Variants in CNBD1 observed in about 807,000 individuals in gnomAD.
The protein encoded by CNBD1 is cyclic nucleotide binding domain containing 1.
CNBD1 carries 71 observed loss-of-function variants against 54.4 expected under a neutral mutation model. The observed-to-expected ratio is 1.30, with a 90% CI of 1.08 to 1.59. The LOEUF is 1.59. Ranked by LOEUF, CNBD1 falls within the 40% of genes most tolerant of loss-of-function variation. The pLI is 0.00. For synonymous variants in CNBD1, 182 were observed against 170.7 expected (o/e 1.07, Z -0.51); for missense variants, 659 against 518.0 (o/e 1.27, Z -2.64).
At chr8:87,283,308 G>T (rs148730868) in intron 6 of CNBD1, among the ~76,000 whole-genome samples, 2,632 of 151,914 alleles carry the variant, frequency 0.017, 32 homozygotes, top group Non-Finnish European at 0.025. Context: ...TTAAATATTT[G>T]TAGTTTCTTT....
At chr8:86,983,672 G>A (rs1808540128) in intron 4 of CNBD1, among the ~76,000 whole-genome samples, 1 of 152,174 alleles carries the variant, frequency 6.6e-6, no homozygotes, top group African/African-American at 2.4e-5. Flanking sequence ...TTAGCAAAGA[G>A]ACTGGTGATA....
chr8:86,998,854 A>G (rs1808934818), intron 4 of CNBD1, among the ~76,000 whole-genome samples: 1 of 152,178 alleles, frequency 6.6e-6, no homozygotes, highest in South Asian at 2.1e-4. Flanking sequence ...ATTTATGTCT[A>G]CAAATGAGTC....
intron 4 of CNBD1, among the ~76,000 whole-genome samples, chr8:86,966,298 C>T (rs111327781): frequency 0.02 from 3,055 of 152,274 alleles, 98 homozygotes; most frequent in African/African-American, 0.07. Flanking sequence ...GGGCTCTTCC[C>T]CAACTCCCAC....
At chr8:87,427,281 A>C (rs1221997657) in intron 2 of CNBD1, among the ~76,000 whole-genome samples, 1 of 152,074 alleles carries the variant, frequency 6.6e-6, no homozygotes, top group African/African-American at 2.4e-5. Context: ...CAATCAAATG[A>C]GTTTGGGGTA....
intron 6 of CNBD1, among the ~76,000 whole-genome samples, chr8:87,258,418 T>A (rs1006549516): frequency 2.2e-5 from 3 of 135,984 alleles, no homozygotes; most frequent in Admixed American, 7.0e-5. Context: ...ATTTTTCTTT[T>A]TTTTATTTCT....
At chr8:87,408,971 C>T (rs111769256) in intron 2 of CNBD1, among the ~76,000 whole-genome samples, 2,775 of 152,052 alleles carry the variant, frequency 0.018, 83 homozygotes, top group African/African-American at 0.06. Context: ...CCCTAAGGCC[C>T]GACAAAATTC....
intron 8 of CNBD1, among the ~76,000 whole-genome samples, chr8:87,346,173 C>A (rs1810172263): frequency 6.6e-6 from 1 of 152,008 alleles, no homozygotes; most frequent in Non-Finnish European, 1.5e-5. Context: ...TCCCAAGTAG[C>A]TGAGATTACA....
chr8:86,881,374 A>G (rs1829001350), intron 1 of CNBD1, among the ~76,000 whole-genome samples: 1 of 152,130 alleles, frequency 6.6e-6, no homozygotes, highest in Non-Finnish European at 1.5e-5. Flanking sequence ...TACGCCAACA[A>G]CAGGCAAGCA....
chr8:86,907,414 T>A (rs555697253), intron 3 of CNBD1, among the ~76,000 whole-genome samples: 1 of 152,252 alleles, frequency 6.6e-6, no homozygotes, highest in East Asian at 1.9e-4. Flanking sequence ...ACACCTGTAA[T>A]CCCAGCACTT....
Position 87,289,263 on chromosome 8 carries a change from G to T in CNBD1, c.1042+2592G>T, listed in dbSNP as rs149228486. Among the ~76,000 whole-genome samples, 424 of 152,210 alleles carry T rather than the reference G, an allele frequency of 2.8e-3. 3 individuals are homozygous for T. The highest frequency in any genetic ancestry group is 9.6e-3 in the African/African-American group (397 of 41,544). ...CTTGGCAATCAATGAAATAAGTAAA[G>T]CTTGTATCTGACTCTATTTGCTTTG... On this transcript the variant is annotated intron_variant, in intron 8 of 10. Transcript: ENST00000518476.
intron 8 of CNBD1, among the ~76,000 whole-genome samples, chr8:87,342,270 C>T (rs542450105): frequency 1.1e-4 from 13 of 114,268 alleles, no homozygotes; most frequent in East Asian, 6.2e-4. Context: ...AAGACTCCAT[C>T]TCAAAAAGAA....
At chr8:87,412,231 C>T (rs192717912) in intron 2 of CNBD1, among the ~76,000 whole-genome samples, 15 of 152,182 alleles carry the variant, frequency 9.9e-5, no homozygotes, top group African/African-American at 3.4e-4. Flanking sequence ...CCATCATCAT[C>T]TAACATCCAA....
At chr8:87,350,076 C>G (rs1424548267) in intron 8 of CNBD1, among the ~76,000 whole-genome samples, 1 of 152,124 alleles carries the variant, frequency 6.6e-6, no homozygotes, top group East Asian at 1.9e-4. Context: ...GCTTCTATGC[C>G]TTTCTTTATA....
chr8:87,392,148 C>G (rs1811322038), intron 2 of CNBD1, among the ~76,000 whole-genome samples: 1 of 151,930 alleles, frequency 6.6e-6, no homozygotes, highest in Non-Finnish European at 1.5e-5. Flanking sequence ...AAAATATAGA[C>G]AATAACAAGT....
At chr8:86,917,790 C>T (rs1007305041) in intron 3 of CNBD1, among the ~76,000 whole-genome samples, 1 of 152,092 alleles carries the variant, frequency 6.6e-6, no homozygotes, top group African/African-American at 2.4e-5. Context: ...CAATCCAGCC[C>T]TCCCCCAACA....
At chr8:86,891,471 C>T (rs970842917) in intron 2 of CNBD1, among the ~76,000 whole-genome samples, 6 of 152,046 alleles carry the variant, frequency 3.9e-5, no homozygotes, top group Non-Finnish European at 8.8e-5. Flanking sequence ...CAGCATCATA[C>T]TCTTTTGATT....
At chr8:87,366,363 T>G (rs1202450857) in intron 10 of CNBD1, among the ~76,000 whole-genome samples, 1 of 152,042 alleles carries the variant, frequency 6.6e-6, no homozygotes, top group Non-Finnish European at 1.5e-5. Flanking sequence ...CTTGCGGTTT[T>G]TACCTGAGGG....
At chr8:86,951,581 C>CATCACAA (rs1807624444) in intron 4 of CNBD1, among the ~76,000 whole-genome samples, 1 of 37,360 alleles carries the variant, frequency 2.7e-5, no homozygotes, top group East Asian at 8.9e-4. Context: ...CTCCGTCTCA[C>CATCACAA]AAAAAAAAAA....
chr8:87,004,092 A>G (rs1809046979), intron 4 of CNBD1, among the ~76,000 whole-genome samples: 1 of 152,236 alleles, frequency 6.6e-6, no homozygotes, highest in Admixed American at 6.5e-5. Context: ...CTTTTCACAT[A>G]GTGAATATCA....
Sources: allele counts gnomAD v4.1 joint callset (sites outside exome capture counted in the v4.1 genomes callset), GRCh38; gene constraint gnomAD v4.1.1; transcripts MANE v1.5; gene names NCBI Gene and HGNC (gene_info 2026-07-23, HGNC 2026-07-21).